The following NLGN1 variants were observed in gnomAD, a reference collection of about 807,000 sequenced individuals.
The protein encoded by NLGN1 is neuroligin-1.
NLGN1 carries 12 observed loss-of-function variants against 65.5 expected under a neutral mutation model. The observed-to-expected ratio is 0.18, with a 90% CI of 0.12 to 0.30. NLGN1 has a LOEUF of 0.30. Ranked by LOEUF, NLGN1 falls within the 10% of genes least tolerant of loss-of-function variation. The pLI, the probability that NLGN1 is intolerant of heterozygous loss-of-function variation, is 1.00. For synonymous variants in NLGN1, 350 were observed against 359.5 expected, an observed-to-expected ratio of 0.97 and a Z score of 0.30; for missense variants, 750 against 1,007.1, an observed-to-expected ratio of 0.74 and a Z score of 3.46.
chr3:174,217,519 G>A (rs1353774074), intron 4 of NLGN1, among the ~76,000 whole-genome samples: 2 of 151,980 alleles, frequency 1.3e-5, no homozygotes, highest in Non-Finnish European at 2.9e-5. Flanking sequence ...GCAGACTACT[G>A]ACTTATTGTA....
At chr3:173,412,224 T>C (rs1712716482) in intron 1 of NLGN1, among the ~76,000 whole-genome samples, 1 of 152,084 alleles carries the variant, frequency 6.6e-6, no homozygotes, top group Admixed American at 6.6e-5. Flanking sequence ...GTAATGTTAA[T>C]GATGCTACCA....
intron 4 of NLGN1, among the ~76,000 whole-genome samples, chr3:174,236,858 T>C (rs953370999): frequency 2.0e-5 from 3 of 152,146 alleles, no homozygotes; most frequent in Non-Finnish European, 4.4e-5. Context: ...ATAGATTCTA[T>C]GGCTTACTTT....
chr3:173,857,765 CT>C, intron 4 of NLGN1, among the ~76,000 whole-genome samples: 1 of 142,674 alleles, frequency 7.0e-6, no homozygotes, highest in East Asian at 2.1e-4. Context: ...CCCAAGGCCA[CT>C]TAAAAAATTA....
chr3:173,451,774 G>A (rs868554254), intron 2 of NLGN1, among the ~76,000 whole-genome samples: 15 of 152,040 alleles, frequency 9.9e-5, no homozygotes, highest in Non-Finnish European at 2.1e-4. Flanking sequence ...TGCCCCTCCC[G>A]CAGCCTCGCT....
At chr3:173,991,291 T>G (rs1418865118) in intron 4 of NLGN1, among the ~76,000 whole-genome samples, 1 of 152,166 alleles carries the variant, frequency 6.6e-6, no homozygotes, top group Non-Finnish European at 1.5e-5. Flanking sequence ...GAAAATACCT[T>G]TACAATCAAT....
intron 1 of NLGN1, among the ~76,000 whole-genome samples, chr3:173,410,313 A>G (rs1466710298): frequency 1.3e-5 from 2 of 152,210 alleles, no homozygotes; most frequent in African/African-American, 4.8e-5. Context: ...AACCCTCCAT[A>G]CATAAACACG....
At chr3:173,564,732 A>T (rs1437479173) in intron 2 of NLGN1, among the ~76,000 whole-genome samples, 1 of 152,242 alleles carries the variant, frequency 6.6e-6, no homozygotes, top group African/African-American at 2.4e-5. Context: ...ACAAGAAGTC[A>T]ATCATTGTTG....
At chr3:174,259,840 C>G (rs185035787) in intron 4 of NLGN1, among the ~76,000 whole-genome samples, 1,773 of 125,276 alleles carry the variant, frequency 0.014, 20 homozygotes, top group Non-Finnish European at 0.022. Flanking sequence ...CCCCCTCCCC[C>G]CACCCCACCA....
At chr3:173,654,992 T>C (rs1198323824) in intron 3 of NLGN1, among the ~76,000 whole-genome samples, 5 of 152,324 alleles carry the variant, frequency 3.3e-5, no homozygotes, top group Non-Finnish European at 1.5e-5. Flanking sequence ...AGCTCTTCCA[T>C]GGTAGCCATA....
At chr3:173,633,595 T>C (rs1756098614) in intron 3 of NLGN1, among the ~76,000 whole-genome samples, 1 of 152,146 alleles carries the variant, frequency 6.6e-6, no homozygotes, top group Admixed American at 6.6e-5. Context: ...CATTTTACCA[T>C]AGCATTCAAA....
At chr3:174,219,596 T>G (rs374042007) in intron 4 of NLGN1, among the ~76,000 whole-genome samples, 1 of 152,126 alleles carries the variant, frequency 6.6e-6, no homozygotes, top group African/African-American at 2.4e-5. Context: ...GAGACTTAAG[T>G]GTAAACTGCT....
Position 173,562,442 on chromosome 3 carries a change from C to T in NLGN1, c.-320-41837C>T, listed in dbSNP as rs371427096. 1.1e-4 allele frequency among the ~76,000 whole-genome samples: 17 copies of T among 152,098 alleles called. 1 individual carries two copies. Among genetic ancestry groups the T allele is most frequent in the Admixed American group, 2.0e-4 (3 of 15,282 alleles). On this transcript the variant is annotated intron_variant, in intron 2 of 6. Transcript: ENST00000457714. ...ATTGACTGGGTATGGTGGTGCGCAC[C>T]TGTAGTCCCAGCTACTTGGGAGGCT...
intron 3 of NLGN1, among the ~76,000 whole-genome samples, chr3:173,743,711 A>G (rs952892917): frequency 6.6e-6 from 1 of 152,070 alleles, no homozygotes; most frequent in African/African-American, 2.4e-5. Flanking sequence ...CTGGCCTTTC[A>G]TTGGACAGTT....
chr3:173,508,399 A>T (rs1279956168), intron 2 of NLGN1, among the ~76,000 whole-genome samples: 1 of 151,932 alleles, frequency 6.6e-6, no homozygotes, highest in Non-Finnish European at 1.5e-5. Context: ...TTTCTTTTCC[A>T]CTTGGTCTTG....
intron 2 of NLGN1, among the ~76,000 whole-genome samples, chr3:173,562,099 A>C (rs1338320131): frequency 6.6e-6 from 1 of 152,200 alleles, no homozygotes; most frequent in East Asian, 1.9e-4. Context: ...TGAGCCAAAA[A>C]ATAAAGGAGA....
chr3:173,688,369 C>G lies in NLGN1; in HGVS notation c.493+83278C>G, dbSNP rs147405010. 2.6e-5 allele frequency among the ~76,000 whole-genome samples: 4 copies of G among 152,306 alleles called. No homozygotes were observed. The East Asian group carries it at 5.8e-4, about 22-fold the overall frequency. On this transcript the variant is annotated intron_variant, in intron 3 of 6. Transcript: ENST00000457714. ...AGGGAAGTAAGTTTCAGTAAGCTTA[C>G]ACAAAGTTAATGAGTCATTAGGCTT...
chr3:174,114,810 T>C (rs1270338362), intron 4 of NLGN1, among the ~76,000 whole-genome samples: 1 of 152,040 alleles, frequency 6.6e-6, no homozygotes, highest in African/African-American at 2.4e-5. Context: ...AATTCGAAGG[T>C]TCCTAACAAT....
chr3:173,482,039 G>A (rs1270742660), intron 2 of NLGN1, among the ~76,000 whole-genome samples: 2 of 151,772 alleles, frequency 1.3e-5, no homozygotes, highest in African/African-American at 4.8e-5. Flanking sequence ...TAGGCAATTT[G>A]TTTTTCAAAT....
At chr3:173,963,571 A>C (rs549727748) in intron 4 of NLGN1, among the ~76,000 whole-genome samples, 1 of 152,304 alleles carries the variant, frequency 6.6e-6, no homozygotes, top group Non-Finnish European at 1.5e-5. Flanking sequence ...AAGACATTTT[A>C]AAAGCTTTGT....
Sources: allele counts gnomAD v4.1 joint callset (sites outside exome capture counted in the v4.1 genomes callset), GRCh38; gene constraint gnomAD v4.1.1; transcripts MANE v1.5; gene names NCBI Gene and HGNC (gene_info 2026-07-23, HGNC 2026-07-21).